LMNTD1: variants seen among roughly 807,000 people sequenced by gnomAD.
The protein encoded by LMNTD1 is lamin tail domain-containing protein 1.
LMNTD1 carries 35 observed loss-of-function variants against 50.9 expected under a neutral mutation model. That is an observed-to-expected ratio of 0.69 (90% confidence interval 0.53 to 0.91). The LOEUF (loss-of-function observed/expected upper bound fraction) is 0.91, where lower values mean the gene tolerates loss of function less well. LMNTD1 is among the 40% of genes least tolerant of loss of function. LMNTD1 has a pLI of 0.00. For synonymous variants in LMNTD1, 153 were observed against 161.9 expected (o/e 0.94, Z 0.42); for missense variants, 470 against 475.5 (o/e 0.99, Z 0.11).
chr12:25,582,720 C>T (rs1032906705), intron 1 of LMNTD1, among the ~76,000 whole-genome samples: 7 of 152,170 alleles, frequency 4.6e-5, no homozygotes, highest in Non-Finnish European at 7.3e-5. Context: ...TTTTCATAAT[C>T]ATTTTTATAG....
chr12:25,575,680 C>A (rs554920666), intron 1 of LMNTD1, among the ~76,000 whole-genome samples: 4 of 42,338 alleles, frequency 9.4e-5, no homozygotes, highest in Admixed American at 7.9e-4. Context: ...AGAACCCTAG[C>A]TCTATTTTCT....
At chr12:25,481,781 G>A (rs374689603) in intron 9 of LMNTD1, among the ~76,000 whole-genome samples, 5 of 150,168 alleles carry the variant, frequency 3.3e-5, no homozygotes, top group Admixed American at 6.7e-5. Context: ...AGAGATTCTC[G>A]AGCACTCAGG....
intron 1 of LMNTD1, among the ~76,000 whole-genome samples, chr12:25,562,495 G>A (rs1018298401): frequency 1.3e-5 from 2 of 152,124 alleles, no homozygotes; most frequent in Non-Finnish European, 2.9e-5. Flanking sequence ...GAGTTTCTGC[G>A]GGGACATCCG....
intron 9 of LMNTD1, among the ~76,000 whole-genome samples, chr12:25,491,049 G>A (rs1354727002): frequency 6.6e-6 from 1 of 152,266 alleles, no homozygotes; most frequent in African/African-American, 2.4e-5. Flanking sequence ...AGCTACAGAT[G>A]AGCTCTAGCT....
chr12:25,539,627 G>C (rs1337841926), intron 4 of LMNTD1, among the ~76,000 whole-genome samples: 2 of 151,706 alleles, frequency 1.3e-5, no homozygotes, highest in Non-Finnish European at 2.9e-5. Context: ...AAGCAGGAAA[G>C]ATCCAAAATT....
chr12:25,577,372 T>C (rs900183506), intron 1 of LMNTD1, among the ~76,000 whole-genome samples: 8 of 152,228 alleles, frequency 5.3e-5, no homozygotes, highest in African/African-American at 1.7e-4. Context: ...CGTTGAGCAG[T>C]GGTTTGTAGT....
chr12:25,630,114 A>G (rs1946682726), intron 1 of LMNTD1, among the ~76,000 whole-genome samples: 1 of 152,216 alleles, frequency 6.6e-6, no homozygotes, highest in Non-Finnish European at 1.5e-5. Context: ...GTGCCTGCAC[A>G]TGCTCAAGAT....
At position 25,526,914 on chromosome 12, in the gene LMNTD1, C is replaced by T. The variant is rs139058419; in HGVS notation, c.533G>A (p.Gly178Asp). Residue 178 changes from glycine to aspartate, a missense_variant, in exon 5 of 10, where the codon GGT becomes GAT. Gly to Asp is a moderately conservative substitution (Grantham distance 94). Transcript: ENST00000458174. ...DVEIAEVNVKGLFVKLINSSL... is the reference protein window; with the variant it reads ...DVEIAEVNVKDLFVKLINSSL... ...AGAGTTAATGAGCTTCACGAACAAA[C>T]CCTTGACATTCACTTCAGCTATTTC... 5.2e-4 allele frequency: 844 copies of T among 1,610,916 alleles called. No individual in the cohort carries two copies. The highest frequency in any genetic ancestry group is 6.8e-4 in the Non-Finnish European group (799 of 1,178,678).
intron 1 of LMNTD1, among the ~76,000 whole-genome samples, chr12:25,608,202 C>T (rs1946159991): frequency 6.6e-6 from 1 of 152,120 alleles, no homozygotes; most frequent in Admixed American, 6.6e-5. Flanking sequence ...TTCCTCCATC[C>T]CTTTATTTTG....
chr12:25,564,866 C>T (rs1396784650), intron 1 of LMNTD1, among the ~76,000 whole-genome samples: 2 of 152,134 alleles, frequency 1.3e-5, no homozygotes, highest in Non-Finnish European at 2.9e-5. Flanking sequence ...CTATCTCTCT[C>T]TTTATCTCTA....
At chr12:25,542,947 G>A (rs183501390) in intron 4 of LMNTD1, among the ~76,000 whole-genome samples, 43 of 151,802 alleles carry the variant, frequency 2.8e-4, no homozygotes, top group African/African-American at 9.2e-4. Flanking sequence ...TGAGAAAGGT[G>A]ATACCAATAA....
chr12:25,541,269 T>G (rs11048101), intron 4 of LMNTD1, among the ~76,000 whole-genome samples: 6,507 of 46,326 alleles, frequency 0.14, 701 homozygotes, highest in Non-Finnish European at 0.19. Flanking sequence ...GCATCACCAA[T>G]TCAATCCTAA....
chr12:25,571,526 G>T (rs528437734), intron 1 of LMNTD1, among the ~76,000 whole-genome samples: 1 of 151,904 alleles, frequency 6.6e-6, no homozygotes, highest in Non-Finnish European at 1.5e-5. Flanking sequence ...ACCACACCCG[G>T]CTAATGTTTT....
chr12:25,519,556 C>G (rs573388082), intron 7 of LMNTD1, among the ~76,000 whole-genome samples: 2 of 129,258 alleles, frequency 1.5e-5, no homozygotes, highest in South Asian at 5.3e-4. Context: ...CCACTGCACT[C>G]CAGCCTGGGT....
At chr12:25,615,670 A>G (rs1470853370) in intron 1 of LMNTD1, among the ~76,000 whole-genome samples, 1 of 152,100 alleles carries the variant, frequency 6.6e-6, no homozygotes, top group Non-Finnish European at 1.5e-5. Context: ...CATGTTGCCC[A>G]GGCTGGTCTC....
At chr12:25,583,850 G>A (rs1945410368) in intron 1 of LMNTD1, among the ~76,000 whole-genome samples, 1 of 152,192 alleles carries the variant, frequency 6.6e-6, no homozygotes, top group African/African-American at 2.4e-5. Context: ...CTCTGAGAGA[G>A]AAGGAAAATC....
At chr12:25,478,557 G>T (rs1234162051) in intron 9 of LMNTD1, among the ~76,000 whole-genome samples, 3 of 152,128 alleles carry the variant, frequency 2.0e-5, no homozygotes, top group Admixed American at 1.3e-4. Flanking sequence ...AGCCGAGGTG[G>T]GCGAATCACC....
At chr12:25,591,861 CTA>C (rs1046299564) in intron 1 of LMNTD1, among the ~76,000 whole-genome samples, 6 of 70,100 alleles carry the variant, frequency 8.6e-5, no homozygotes, top group Non-Finnish European at 2.2e-4. Context: ...GAGAGAGACT[CTA>C]TTTATTTGGG....
At chr12:25,536,420 T>C (rs1298270360) in intron 4 of LMNTD1, among the ~76,000 whole-genome samples, 2 of 152,124 alleles carry the variant, frequency 1.3e-5, no homozygotes, top group South Asian at 4.1e-4. Context: ...AACAAGAAGA[T>C]ATCTGGAAAA....
Sources: gnomAD v4.1 joint callset for allele counts (sites outside exome capture counted in the v4.1 genomes callset) on GRCh38, gnomAD v4.1.1 for gene constraint, MANE v1.5 for transcripts, NCBI Gene and HGNC (gene_info 2026-07-23, HGNC 2026-07-21) for gene names.